Variants in TNFRSF21 observed in about 807,000 individuals in gnomAD.
TNFRSF21 encodes TNF receptor superfamily member 21, also known as tumor necrosis factor receptor superfamily member 21.
In TNFRSF21, 19 loss-of-function variants were observed where a neutral mutation model predicts 45.6. That is an observed-to-expected ratio of 0.42 (90% CI 0.29 to 0.61). The LOEUF (loss-of-function observed/expected upper bound fraction) is 0.61. TNFRSF21 is among the 20% of genes least tolerant of loss of function. The probability of loss-of-function intolerance (pLI) is 0.23; values close to 1 mark genes in which losing one functional copy is unlikely to be tolerated. For synonymous variants in TNFRSF21, 314 were observed against 335.5 expected (o/e 0.94, Z 0.70); for missense variants, 737 against 851.5 (o/e 0.87, Z 1.67).
intron 1 of TNFRSF21, among the ~76,000 whole-genome samples, chr6:47,288,247 T>C (rs2295260): frequency 0.071 from 10,875 of 152,182 alleles, 221 homozygotes; most frequent in East Asian, 0.14. Flanking sequence ...CATAGTAACA[T>C]GGATAAATCT....
At chr6:47,284,539 A>G in intron 2 of TNFRSF21, 107 bp from the exon 3 acceptor site, 7 of 1,281,794 alleles carry the variant, frequency 5.5e-6, no homozygotes, top group Non-Finnish European at 5.1e-6. Context: ...ATCAAAGATA[A>G]GATGACCCTT....
chr6:47,270,242 C>A (rs1010634721), intron 3 of TNFRSF21, among the ~76,000 whole-genome samples: 1 of 152,114 alleles, frequency 6.6e-6, no homozygotes, highest in Non-Finnish European at 1.5e-5. Context: ...CAACAGGGGC[C>A]AACAGACACC....
chr6:47,286,003 A>G lies in TNFRSF21; in HGVS notation c.689T>C (p.Phe230Ser), dbSNP rs1762641514. 6.2e-7 allele frequency: 1 copy of G among 1,614,096 alleles called. No homozygotes were observed. Among genetic ancestry groups the G allele is most frequent in the East Asian group, 2.2e-5 (1 of 44,892 alleles). ...GGTTTCCATGTGCTCAGGGCGTGGAAAGATGGCTGTGCCAGGGGAAGGTGA... is the reference window on the plus strand; with the variant it reads ...GGTTTCCATGTGCTCAGGGCGTGGAGAGATGGCTGTGCCAGGGGAAGGTGA... ...STSPSPGTAIFPRPEHMETHE... is the reference protein window; with the variant it reads ...STSPSPGTAISPRPEHMETHE... Residue 230 changes from phenylalanine to serine, a missense_variant, in exon 2 of 6, where the codon TTT (phenylalanine) becomes TCT (serine). Coordinates refer to ENST00000296861, the MANE Select transcript of TNFRSF21 (RefSeq NM_014452.5).
At chr6:47,257,396 A>G (rs538566026) in intron 3 of TNFRSF21, among the ~76,000 whole-genome samples, 3 of 152,206 alleles carry the variant, frequency 2.0e-5, no homozygotes, top group South Asian at 4.1e-4. Context: ...GGGGTCGCCA[A>G]TGTTCTTCAC....
At chr6:47,250,265 T>C (rs923969462) in intron 4 of TNFRSF21, among the ~76,000 whole-genome samples, 4 of 152,184 alleles carry the variant, frequency 2.6e-5, no homozygotes, top group Non-Finnish European at 4.4e-5. Context: ...TTTAATAGCT[T>C]TGGTAAAATT....
chr6:47,253,358 C>G lies in TNFRSF21; in HGVS notation c.1407G>C (p.Arg469=). The G allele has an allele frequency of 6.2e-7, 1 of 1,614,084 alleles. No individual in the cohort carries two copies. Among genetic ancestry groups the G allele is most frequent in the South Asian group, 1.1e-5 (1 of 91,062 alleles). The part of the protein sequence containing the change: ...AYAALQHWTI[R]GPEASLAQLI... Reference sequence around the variant, plus strand: ...GCTGGGCGAGGCTGGCCTCGGGGCCCCGGATGGTCCAGTGCTGCAGAGCTG... The same window carrying G: ...GCTGGGCGAGGCTGGCCTCGGGGCCGCGGATGGTCCAGTGCTGCAGAGCTG... The change falls in exon 4 of 6, where the codon CGG becomes CGC. Residue 469 remains arginine, a synonymous_variant. Transcript: ENST00000296861.
chr6:47,251,581 C>T (rs1350431550), intron 4 of TNFRSF21, among the ~76,000 whole-genome samples: 1 of 152,140 alleles, frequency 6.6e-6, no homozygotes, highest in East Asian at 1.9e-4. Context: ...CAAATCCTAA[C>T]CTTGCATCAG....
intron 3 of TNFRSF21, among the ~76,000 whole-genome samples, chr6:47,272,254 T>C (rs141795534): frequency 2.7e-3 from 411 of 152,134 alleles, no homozygotes; most frequent in African/African-American, 9.2e-3. Context: ...AAATTGACCA[T>C]ATAATTGGAA....
At chr6:47,250,262 G>C (rs1764882350) in intron 4 of TNFRSF21, among the ~76,000 whole-genome samples, 1 of 152,176 alleles carries the variant, frequency 6.6e-6, no homozygotes, top group Non-Finnish European at 1.5e-5. Context: ...TTTTTTAATA[G>C]CTTTGGTAAA....
rs78295900 is a variant in TNFRSF21, at chr6:47,300,706, C to G, written c.96+8710G>C. 8.7e-3 allele frequency among the ~76,000 whole-genome samples: 1,322 copies of G among 152,274 alleles called. 23 individuals carry two copies. The highest frequency in any genetic ancestry group is 0.03 in the African/African-American group (1,248 of 41,546). ...TCTCTGAACATGTAGGCTGTTTCCT[C>G]CCTCTGGGCCATCCCACATACTGTT... is the stretch of plus-strand genomic sequence containing the variant. On this transcript the variant is annotated intron_variant, in intron 1 of 5. Transcript: ENST00000296861.
In TNFRSF21 at chr6:47,285,931, G is replaced by T; in HGVS notation, c.748+13C>A. 1 of 1,610,254 alleles carries T rather than the reference G, an allele frequency of 6.2e-7. No homozygotes were observed. Among genetic ancestry groups the T allele is most frequent in the Non-Finnish European group, 8.5e-7 (1 of 1,177,174 alleles). On this transcript the variant is annotated intron_variant, in intron 2 of 5. Coordinates refer to ENST00000296861, the MANE Select transcript of TNFRSF21 (RefSeq NM_014452.5). ...AGCCTTCCTCAAATAAATAATTCAT[G>T]AGGTTAAGTTACCTTTGGGAACATA...
At chr6:47,288,195 T>C (rs1423007383) in intron 1 of TNFRSF21, among the ~76,000 whole-genome samples, 1 of 152,264 alleles carries the variant, frequency 6.6e-6, no homozygotes, top group Non-Finnish European at 1.5e-5. Context: ...TTTGGTCATA[T>C]AATGCATTAT....
chr6:47,232,655 ACACAAACACACACACACACCC>A lies in TNFRSF21; in HGVS notation c.*89_*109del. The A allele has an allele frequency of 1.1e-6, 1 of 883,942 alleles. No individual in the cohort carries two copies. Among genetic ancestry groups the A allele is most frequent in the Non-Finnish European group, 1.8e-6 (1 of 565,544 alleles). 54.8% of individuals were successfully genotyped at this position (883,942 alleles called of 1,614,324 possible). On this transcript the variant is annotated 3_prime_UTR_variant, in exon 6 of 6. Coordinates refer to ENST00000296861, the MANE Select transcript of TNFRSF21 (RefSeq NM_014452.5). ...CACACACACACACACACACACACAC[ACACAAACACACACACACACCC>A]CAAACAACAAAAATCAGAAACAGAA...
chr6:47,301,458 T>C (rs1762863581), intron 1 of TNFRSF21, among the ~76,000 whole-genome samples: 1 of 152,340 alleles, frequency 6.6e-6, no homozygotes, highest in South Asian at 2.1e-4. Flanking sequence ...CATAAAAGAA[T>C]AGCAAAGATT....
At chr6:47,279,379 A>G (rs1383033971) in intron 3 of TNFRSF21, among the ~76,000 whole-genome samples, 2 of 152,204 alleles carry the variant, frequency 1.3e-5, no homozygotes, top group African/African-American at 4.8e-5. Flanking sequence ...CTGTTTTTCA[A>G]TTGGGACTGG....
chr6:47,250,757 A>T (rs1233351430), intron 4 of TNFRSF21, among the ~76,000 whole-genome samples: 1 of 152,226 alleles, frequency 6.6e-6, no homozygotes, highest in Non-Finnish European at 1.5e-5. Context: ...CTGCCTTCTG[A>T]TTCACTTGTT....
At chr6:47,299,053 T>C (rs975715613) in intron 1 of TNFRSF21, among the ~76,000 whole-genome samples, 13 of 152,164 alleles carry the variant, frequency 8.5e-5, no homozygotes, top group Non-Finnish European at 1.6e-4. Flanking sequence ...ACAAACCCAA[T>C]ATTTAAAACA....
In TNFRSF21 at chr6:47,232,281, T is replaced by C. The variant is rs1202124172; in HGVS notation, c.*484A>G. 2.6e-5 allele frequency: 4 copies of C among 152,778 alleles called. No homozygotes were observed. Among genetic ancestry groups the C allele is most frequent in the African/African-American group, 9.7e-5 (4 of 41,428 alleles). The allele number at this position is 152,778 out of a possible 1,614,324, so 9.5% of individuals were successfully genotyped here. ...TAAAAATAGTAATAATATTTGTTTTTAAAAAGTAGGTGTGAATGTTAAGAG... is the reference window on the plus strand; with the variant it reads ...TAAAAATAGTAATAATATTTGTTTTCAAAAAGTAGGTGTGAATGTTAAGAG... On this transcript the variant is annotated 3_prime_UTR_variant, in exon 6 of 6. Transcript: ENST00000296861.
chr6:47,240,768 A>G (rs563238558), intron 4 of TNFRSF21, among the ~76,000 whole-genome samples: 2 of 152,308 alleles, frequency 1.3e-5, no homozygotes, highest in South Asian at 4.1e-4. Context: ...TGACTGCGCT[A>G]AGATAAATAT....
Sources: gnomAD v4.1 joint callset for allele counts (sites outside exome capture counted in the v4.1 genomes callset) on GRCh38, gnomAD v4.1.1 for gene constraint, MANE v1.5 for transcripts, NCBI Gene and HGNC (gene_info 2026-07-23, HGNC 2026-07-21) for gene names.